VPS35L: variants seen among roughly 807,000 people sequenced by gnomAD.
The protein encoded by VPS35L is VPS35 endosomal protein-sorting factor-like.
In VPS35L, 83 loss-of-function variants were observed where a neutral mutation model predicts 133.0. The ratio of observed to expected loss-of-function variants is 0.62; its 90% CI spans 0.52 to 0.75. The LOEUF is 0.75. Ranked by LOEUF, VPS35L falls within the 30% of genes least tolerant of loss-of-function variation. The pLI, the probability that VPS35L is intolerant of heterozygous loss-of-function variation, is 0.00. For synonymous variants in VPS35L, 423 were observed against 449.9 expected (o/e 0.94, Z 0.76); for missense variants, 1,083 against 1,206.8 (o/e 0.90, Z 1.52).
At chr16:19,556,146 T>G (rs866536679) in intron 1 of VPS35L, among the ~76,000 whole-genome samples, 3 of 152,292 alleles carry the variant, frequency 2.0e-5, no homozygotes, top group South Asian at 4.1e-4. Context: ...TTTCCTCAGC[T>G]CCTCTGTTCA....
intron 29 of VPS35L, among the ~76,000 whole-genome samples, chr16:19,691,848 T>C (rs1338934700): frequency 6.6e-6 from 1 of 151,914 alleles, no homozygotes; most frequent in East Asian, 1.9e-4. Flanking sequence ...CTGACTAGAA[T>C]GTAAGCTCCA....
chr16:19,676,889 G>T (rs745686348), intron 27 of VPS35L, among the ~76,000 whole-genome samples: 2 of 152,032 alleles, frequency 1.3e-5, no homozygotes. Flanking sequence ...ACTACAGTTG[G>T]CACTGGTCCA....
chr16:19,610,937 G>A (rs988357971), intron 12 of VPS35L, among the ~76,000 whole-genome samples: 3 of 152,144 alleles, frequency 2.0e-5, no homozygotes, highest in African/African-American at 7.2e-5. Context: ...AAAGCACCGT[G>A]AGGCTTCAGC....
At chr16:19,687,063 A>C in intron 28 of VPS35L, among the ~76,000 whole-genome samples, 1 of 151,934 alleles carries the variant, frequency 6.6e-6, no homozygotes, top group African/African-American at 2.4e-5. Flanking sequence ...ACAGACTGTG[A>C]CCTCTGTGTC....
chr16:19,610,982 T>G (rs761765991), intron 12 of VPS35L, among the ~76,000 whole-genome samples: 1 of 152,196 alleles, frequency 6.6e-6, no homozygotes, highest in African/African-American at 2.4e-5. Context: ...GGAAAAAATG[T>G]AACCAATGGA....
chr16:19,561,363 T>G (rs1482431973), intron 1 of VPS35L, among the ~76,000 whole-genome samples: 1 of 152,090 alleles, frequency 6.6e-6, no homozygotes, highest in East Asian at 1.9e-4. Flanking sequence ...AGAGTGAGAC[T>G]CTGCCTCAAA....
intron 6 of VPS35L, among the ~76,000 whole-genome samples, chr16:19,580,478 G>T (rs374622214): frequency 2.8e-4 from 42 of 152,090 alleles, no homozygotes; most frequent in African/African-American, 1.0e-3. Context: ...TAAACCTTTG[G>T]TTCCAGGTCT....
At chr16:19,557,058 G>A (rs928448662) in intron 1 of VPS35L, among the ~76,000 whole-genome samples, 4 of 152,036 alleles carry the variant, frequency 2.6e-5, no homozygotes, top group Admixed American at 6.6e-5. Flanking sequence ...CTTGAACCTG[G>A]GAGGCGGAAG....
At chr16:19,590,622 G>A (rs996563712) in intron 7 of VPS35L, among the ~76,000 whole-genome samples, 4 of 152,074 alleles carry the variant, frequency 2.6e-5, no homozygotes, top group African/African-American at 4.8e-5. Context: ...AGTCCTGAAC[G>A]CTAAATAGCA....
chr16:19,562,962 G>A (rs1171983746), intron 1 of VPS35L, among the ~76,000 whole-genome samples: 1 of 151,850 alleles, frequency 6.6e-6, no homozygotes, highest in African/African-American at 2.4e-5. Flanking sequence ...ATGGGGTTTC[G>A]CCATGTTGCT....
chr16:19,624,257 A>G (rs1240974121), intron 14 of VPS35L, among the ~76,000 whole-genome samples: 1 of 151,506 alleles, frequency 6.6e-6, no homozygotes, highest in Non-Finnish European at 1.5e-5. Context: ...CTGGGACCAC[A>G]GGCACGTACC....
In VPS35L at chr16:19,622,248, A is replaced by G. The variant is rs905275320; in HGVS notation, c.1225-3929A>G. 2.7e-5 allele frequency among the ~76,000 whole-genome samples: 4 copies of G among 149,282 alleles called. No homozygotes were observed. The Admixed American group carries it at 2.7e-4, about 10-fold the overall frequency. ...CAACTTCTGCCTCCCGGGTTCAAGCAGTTCTCCTGCCTCAGCCTCCCAAGT... is the reference window on the plus strand; with the variant it reads ...CAACTTCTGCCTCCCGGGTTCAAGCGGTTCTCCTGCCTCAGCCTCCCAAGT... On this transcript the variant is annotated intron_variant, in intron 14 of 30. Coordinates refer to ENST00000417362, the MANE Select transcript of VPS35L (RefSeq NM_020314.7).
intron 21 of VPS35L, 122 bp downstream of exon 21, chr16:19,640,222 A>AC: frequency 1.2e-6 from 1 of 819,352 alleles, no homozygotes; most frequent in Non-Finnish European, 1.9e-6. Flanking sequence ...ACAGAAAACC[A>AC]CACTGGAAGG....
At chr16:19,565,648 C>T (rs528432645) in intron 2 of VPS35L, among the ~76,000 whole-genome samples, 4 of 152,300 alleles carry the variant, frequency 2.6e-5, no homozygotes, top group South Asian at 2.1e-4. Flanking sequence ...CCACCTCGCC[C>T]GGCCTGCATA....
chr16:19,566,563 C>A (rs1170588245), intron 2 of VPS35L, among the ~76,000 whole-genome samples: 2 of 152,136 alleles, frequency 1.3e-5, no homozygotes, highest in South Asian at 2.1e-4. Context: ...AAGAATAATT[C>A]ATGAATTGGG....
At chr16:19,672,913 A>G (rs976117660) in intron 27 of VPS35L, among the ~76,000 whole-genome samples, 1 of 152,200 alleles carries the variant, frequency 6.6e-6, no homozygotes, top group African/African-American at 2.4e-5. Flanking sequence ...TTGTTTATTG[A>G]TTAATCGGGA....
chr16:19,564,995 G>A (rs758188950), intron 2 of VPS35L, 45 bp downstream of exon 2: 2 of 1,399,080 alleles, frequency 1.4e-6, no homozygotes, highest in East Asian at 2.3e-5. Flanking sequence ...CTTATCCCTT[G>A]AAATGAAAGA....
intron 26 of VPS35L, among the ~76,000 whole-genome samples, chr16:19,658,387 G>A (rs988225900): frequency 3.3e-5 from 5 of 152,078 alleles, no homozygotes; most frequent in Admixed American, 2.0e-4. Context: ...AAAATTAGCC[G>A]GCAGTAGTGG....
intron 7 of VPS35L, among the ~76,000 whole-genome samples, chr16:19,590,135 C>T (rs1212186735): frequency 6.3e-5 from 1 of 15,978 alleles, no homozygotes; most frequent in Non-Finnish European, 1.4e-4. Flanking sequence ...TACATTCCCG[C>T]CCCGCCCCCC....
Sources: allele counts gnomAD v4.1 joint callset (sites outside exome capture counted in the v4.1 genomes callset), GRCh38; gene constraint gnomAD v4.1.1; transcripts MANE v1.5; gene names NCBI Gene and HGNC (gene_info 2026-07-23, HGNC 2026-07-21).